Variants in VRK2 observed in about 807,000 individuals in gnomAD.
VRK2 encodes VRK serine/threonine kinase 2, also known as serine/threonine-protein kinase VRK2.
In VRK2, 60 loss-of-function variants were observed where a neutral mutation model predicts 57.6. The ratio of observed to expected loss-of-function variants is 1.04; its 90% confidence interval spans 0.85 to 1.29. VRK2 has a LOEUF of 1.29. Among genes scored for constraint, VRK2 ranks in the 50% most tolerant of loss-of-function variants. VRK2 has a pLI of 0.00. For synonymous variants in VRK2, 231 were observed against 199.2 expected (o/e 1.16, Z -1.35); for missense variants, 705 against 588.1 (o/e 1.20, Z -2.06).
intron 2 of VRK2, among the ~76,000 whole-genome samples, chr2:58,065,407 T>C (rs568036060): frequency 8.2e-4 from 125 of 152,282 alleles, no homozygotes; most frequent in African/African-American, 2.7e-3. Context: ...TGATTTTTTT[T>C]CCACTTAGTG....
intron 1 of VRK2, among the ~76,000 whole-genome samples, chr2:58,002,145 T>C (rs935278378): frequency 2.0e-4 from 31 of 152,158 alleles, no homozygotes; most frequent in Non-Finnish European, 1.2e-4. Flanking sequence ...CTCTTTGTTG[T>C]ATATAATTCT....
intron 1 of VRK2, among the ~76,000 whole-genome samples, chr2:57,980,026 C>G (rs949996578): frequency 2.0e-5 from 3 of 152,106 alleles, no homozygotes; most frequent in Non-Finnish European, 4.4e-5. Context: ...ATCTTTGCAT[C>G]TCAACTTCGT....
At chr2:58,079,347 G>C (rs959265109) in intron 2 of VRK2, among the ~76,000 whole-genome samples, 3 of 152,012 alleles carry the variant, frequency 2.0e-5, no homozygotes, top group Non-Finnish European at 2.9e-5. Flanking sequence ...GGAAGACATT[G>C]AATGTATTTG....
intron 1 of VRK2, among the ~76,000 whole-genome samples, chr2:57,953,775 A>C (rs191715221): frequency 6.6e-6 from 1 of 152,312 alleles, no homozygotes; most frequent in Admixed American, 6.5e-5. Flanking sequence ...GGAAAAAAAA[A>C]GTCCTTCGGA....
chr2:57,953,574 G>A (rs540840419), intron 1 of VRK2, among the ~76,000 whole-genome samples: 1 of 152,248 alleles, frequency 6.6e-6, no homozygotes, highest in Non-Finnish European at 1.5e-5. Context: ...TATTAAGGTA[G>A]TTATTATAGT....
intron 11 of VRK2, among the ~76,000 whole-genome samples, chr2:58,144,428 ATGTGT>A (rs1251661846): frequency 6.6e-6 from 1 of 152,000 alleles, no homozygotes; most frequent in African/African-American, 2.4e-5. Context: ...ACGTGAGGTG[ATGTGT>A]TAATAACTTG....
chr2:58,136,202 A>G (rs1240652543), intron 10 of VRK2, among the ~76,000 whole-genome samples: 3 of 152,160 alleles, frequency 2.0e-5, no homozygotes, highest in African/African-American at 4.8e-5. Flanking sequence ...TGCAAGTCCA[A>G]TAAGCCTATC....
intron 1 of VRK2, among the ~76,000 whole-genome samples, chr2:57,922,301 A>G (rs1670374896): frequency 6.6e-6 from 1 of 152,092 alleles, no homozygotes; most frequent in Non-Finnish European, 1.5e-5. Context: ...TATTGTCGTC[A>G]ACATCGTCAT....
At chr2:58,145,331 C>CTGT (rs1460123813) in intron 11 of VRK2, among the ~76,000 whole-genome samples, 1 of 151,998 alleles carries the variant, frequency 6.6e-6, no homozygotes, top group Non-Finnish European at 1.5e-5. Flanking sequence ...ATGACATGAA[C>CTGT]TGTTATTCAT....
intron 6 of VRK2, among the ~76,000 whole-genome samples, chr2:58,088,840 T>A (rs1412502520): frequency 1.3e-5 from 2 of 152,232 alleles, no homozygotes; most frequent in Admixed American, 6.5e-5. Context: ...GTTTTTATTA[T>A]GAGTTTGGGA....
chr2:57,975,229 T>A (rs573084811), intron 1 of VRK2, among the ~76,000 whole-genome samples: 1 of 152,056 alleles, frequency 6.6e-6, no homozygotes, highest in South Asian at 2.1e-4. Flanking sequence ...AATACCAAGG[T>A]ATTCATATCA....
At chr2:57,914,866 A>G (rs1670098207) in intron 1 of VRK2, among the ~76,000 whole-genome samples, 1 of 152,164 alleles carries the variant, frequency 6.6e-6, no homozygotes, top group African/African-American at 2.4e-5. Flanking sequence ...ACCATTTTAA[A>G]AAGTCTGGAG....
intron 1 of VRK2, among the ~76,000 whole-genome samples, chr2:57,919,132 T>C (rs1670253127): frequency 6.6e-6 from 1 of 151,970 alleles, no homozygotes; most frequent in Admixed American, 6.6e-5. Context: ...ACTGAATGCA[T>C]GGAATCATTG....
At position 58,065,820 on chromosome 2, in the gene VRK2, A is replaced by G. The variant is rs570317067; in HGVS notation, c.136+16853A>G. 6.6e-5 allele frequency among the ~76,000 whole-genome samples: 10 copies of G among 152,218 alleles called. No individual in the cohort carries two copies. The South Asian group carries it at 2.1e-3, about 32-fold the overall frequency. On this transcript the variant is annotated intron_variant, in intron 2 of 12. Coordinates refer to ENST00000340157, the MANE Select transcript of VRK2 (RefSeq NM_006296.7). Reference sequence around the variant, plus strand: ...AGTTATTAGCATACTAGTCCTATACATGTATTGTTGGGTATATATTGATAT... The same window carrying G: ...AGTTATTAGCATACTAGTCCTATACGTGTATTGTTGGGTATATATTGATAT...
intron 2 of VRK2, chr2:58,028,476 C>A (rs1674002094): frequency 6.6e-6 from 1 of 151,932 alleles, no homozygotes. Context: ...GGTATATACC[C>A]AGTAATGGGA....
intron 3 of VRK2, 57 bp downstream of exon 3, chr2:58,084,195 T>C: frequency 6.6e-7 from 1 of 1,522,824 alleles, no homozygotes; most frequent in Non-Finnish European, 8.9e-7. Flanking sequence ...CCTTTTCTGC[T>C]TTAAGAATGT....
At chr2:58,005,610 G>A (rs535872007) in intron 1 of VRK2, among the ~76,000 whole-genome samples, 1 of 152,124 alleles carries the variant, frequency 6.6e-6, no homozygotes, top group East Asian at 1.9e-4. Flanking sequence ...GCAAGAAGAA[G>A]AAAAATATAA....
At chr2:57,961,158 T>G (rs145931058) in intron 1 of VRK2, among the ~76,000 whole-genome samples, 17 of 152,248 alleles carry the variant, frequency 1.1e-4, no homozygotes, top group African/African-American at 3.1e-4. Flanking sequence ...TTAAGTAAGG[T>G]AAGAATACAA....
At chr2:57,998,611 T>C (rs1387880857) in intron 1 of VRK2, among the ~76,000 whole-genome samples, 1 of 152,188 alleles carries the variant, frequency 6.6e-6, no homozygotes, top group Non-Finnish European at 1.5e-5. Flanking sequence ...TTAAAGATTA[T>C]ATTGAGAATT....
Sources: gnomAD v4.1 joint callset for allele counts (sites outside exome capture counted in the v4.1 genomes callset) on GRCh38, gnomAD v4.1.1 for gene constraint, MANE v1.5 for transcripts, NCBI Gene and HGNC (gene_info 2026-07-23, HGNC 2026-07-21) for gene names.